PCDH15: variants seen among roughly 807,000 people sequenced by gnomAD.
The protein encoded by PCDH15 is protocadherin related 15.
Under a neutral mutation model 178.5 loss-of-function variants are expected in PCDH15, and 129 were observed. That is an observed-to-expected ratio of 0.72 (90% CI 0.63 to 0.84). The LOEUF is 0.84. PCDH15 is among the 40% of genes least tolerant of loss of function. The pLI is 0.00. For synonymous variants in PCDH15, 800 were observed against 732.0 expected (o/e 1.09, Z -1.50); for missense variants, 2,230 against 2,099.9 (o/e 1.06, Z -1.21).
chr10:54,287,710 A>G (rs7073764), intron 8 of PCDH15, among the ~76,000 whole-genome samples: 1,713 of 152,312 alleles, frequency 0.011, 37 homozygotes, highest in African/African-American at 0.039. Context: ...TATTCATGCA[A>G]TTCTGACAAG....
intron 17 of PCDH15, among the ~76,000 whole-genome samples, chr10:54,072,975 T>G (rs188702118): frequency 6.4e-4 from 98 of 152,278 alleles, no homozygotes; most frequent in African/African-American, 2.3e-3. Context: ...TCTAAGAAAC[T>G]TAAGTGTGAC....
intron 2 of PCDH15, among the ~76,000 whole-genome samples, chr10:54,915,220 T>G (rs765154299): frequency 3.3e-5 from 5 of 152,212 alleles, no homozygotes; most frequent in Non-Finnish European, 5.9e-5. Flanking sequence ...GTGTCTAAGA[T>G]CTGATGATAT....
At chr10:54,131,443 A>AT (rs1444394413) in intron 15 of PCDH15, among the ~76,000 whole-genome samples, 1 of 151,914 alleles carries the variant, frequency 6.6e-6, no homozygotes, top group Non-Finnish European at 1.5e-5. Context: ...TTAATATTTG[A>AT]TTTTTTCTAT....
intron 2 of PCDH15, among the ~76,000 whole-genome samples, chr10:55,378,603 G>A (rs2131998058): frequency 6.6e-6 from 1 of 152,026 alleles, no homozygotes; most frequent in East Asian, 1.9e-4. Context: ...AATATCTTTA[G>A]AAAGTAAACA....
At chr10:53,886,844 G>A (rs2081138133) in intron 26 of PCDH15, among the ~76,000 whole-genome samples, 1 of 152,140 alleles carries the variant, frequency 6.6e-6, no homozygotes, top group African/African-American at 2.4e-5. Flanking sequence ...GTTCTCTGCT[G>A]AGTGTCGAAA....
intron 2 of PCDH15, among the ~76,000 whole-genome samples, chr10:55,148,894 T>C (rs924442782): frequency 2.7e-5 from 4 of 149,710 alleles, no homozygotes; most frequent in South Asian, 4.2e-4. Flanking sequence ...TTTCTTGAAA[T>C]TGAAACTCCA....
chr10:55,625,484 T>C (rs547554937), intron 2 of PCDH15, among the ~76,000 whole-genome samples: 27 of 152,294 alleles, frequency 1.8e-4, no homozygotes, highest in African/African-American at 5.5e-4. Context: ...CTGTTAGATA[T>C]GCAATTAATT....
intron 3 of PCDH15, among the ~76,000 whole-genome samples, chr10:54,840,828 CAAAG>C (rs1953405626): frequency 6.6e-6 from 1 of 151,422 alleles, no homozygotes; most frequent in Non-Finnish European, 1.5e-5. Context: ...TGTCATGTGA[CAAAG>C]AAAATCAATA....
chr10:55,427,024 C>A (rs185700997), intron 2 of PCDH15, among the ~76,000 whole-genome samples: 1 of 151,830 alleles, frequency 6.6e-6, no homozygotes, highest in Non-Finnish European at 1.5e-5. Context: ...AGGGAACATT[C>A]AAACAGGAAA....
At chr10:55,070,281 A>G (rs1294575159) in intron 2 of PCDH15, among the ~76,000 whole-genome samples, 1 of 152,032 alleles carries the variant, frequency 6.6e-6, no homozygotes, top group African/African-American at 2.4e-5. Flanking sequence ...TGTTTAGTTT[A>G]ATTAGATCCC....
At chr10:54,628,902 T>C (rs2134636034) in intron 2 of PCDH15, among the ~76,000 whole-genome samples, 1 of 152,210 alleles carries the variant, frequency 6.6e-6, no homozygotes, top group East Asian at 1.9e-4. Flanking sequence ...ATGGCCTATA[T>C]TTGGTACACC....
chr10:54,807,156 AG>A (rs1478172739), intron 3 of PCDH15, among the ~76,000 whole-genome samples: 3 of 152,326 alleles, frequency 2.0e-5, no homozygotes, highest in African/African-American at 4.8e-5. Flanking sequence ...TAGCATATTC[AG>A]TTAGACAGCA....
In PCDH15 at chr10:54,818,922, T is replaced by C. The variant is rs555399184; in HGVS notation, c.-29+78528A>G. Among the ~76,000 whole-genome samples the C allele has an allele frequency of 3.3e-5, 5 of 152,148 alleles. No individual in the cohort carries two copies. The East Asian group carries it at 7.7e-4, about 23-fold the overall frequency. On this transcript the variant is annotated intron_variant, in intron 3 of 5. Transcript: ENST00000458638. ...GAATATAAATTCTTTTTACATGTTT[T>C]ATTTTTATTTATTTATTTTAGAGAC...
chr10:54,683,803 C>A (rs2094942369), intron 1 of PCDH15, among the ~76,000 whole-genome samples: 1 of 152,074 alleles, frequency 6.6e-6, no homozygotes, highest in Non-Finnish European at 1.5e-5. Context: ...GAGTTGCAAT[C>A]CTGACTCTGC....
intron 2 of PCDH15, among the ~76,000 whole-genome samples, chr10:55,582,928 A>G (rs1045007888): frequency 5.3e-5 from 8 of 152,060 alleles, no homozygotes; most frequent in African/African-American, 1.9e-4. Flanking sequence ...ATATATTCAC[A>G]AAATATTATT....
chr10:54,179,572 TAATAA>T (rs1470312223), intron 13 of PCDH15, among the ~76,000 whole-genome samples: 3 of 151,914 alleles, frequency 2.0e-5, no homozygotes, highest in East Asian at 1.9e-4. Flanking sequence ...AGTATAATAA[TAATAA>T]AATAAAATTT....
intron 29 of PCDH15, among the ~76,000 whole-genome samples, chr10:53,835,329 A>T (rs2077244289): frequency 6.6e-6 from 1 of 152,110 alleles, no homozygotes; most frequent in South Asian, 2.1e-4. Flanking sequence ...GGCTGGATAT[A>T]AGACAGATAA....
rs145211913 is a variant in PCDH15, at chr10:54,397,190, C to T, written c.158-18248G>A. On this transcript the variant is annotated intron_variant, in intron 3 of 37. Transcript: ENST00000644397. ...TCCATTGTAAATTCTTCCTATGACT[C>T]TTTGAGATGTAAATAGTCTCCCAGC... Among the ~76,000 whole-genome samples, 708 of 152,078 alleles carry T rather than the reference C, an allele frequency of 4.7e-3. 1 individual carries two copies. The highest frequency in any genetic ancestry group is 6.4e-3 in the Non-Finnish European group (434 of 67,958).
intron 15 of PCDH15, among the ~76,000 whole-genome samples, chr10:54,117,274 T>A (rs78481531): frequency 1.3e-5 from 1 of 75,540 alleles, no homozygotes; most frequent in Non-Finnish European, 3.3e-5. Flanking sequence ...GGTGCCAGTA[T>A]AGGAGGAAGG....
Sources: gnomAD v4.1 joint callset for allele counts (sites outside exome capture counted in the v4.1 genomes callset) on GRCh38, gnomAD v4.1.1 for gene constraint, MANE v1.5 for transcripts, NCBI Gene and HGNC (gene_info 2026-07-23, HGNC 2026-07-21) for gene names.